MRPS9: variants seen among roughly 807,000 people sequenced by gnomAD.
The protein encoded by MRPS9 is small ribosomal subunit protein uS9m.
In MRPS9, 45 loss-of-function variants were observed where a neutral mutation model predicts 59.9. The observed-to-expected ratio is 0.75, with a 90% CI of 0.59 to 0.96. The LOEUF is 0.96. Ranked by LOEUF, MRPS9 falls within the 40% of genes least tolerant of loss-of-function variation. MRPS9 has a pLI of 0.00. For synonymous variants in MRPS9, 171 were observed against 166.8 expected, an observed-to-expected ratio of 1.03 and a Z score of -0.19; for missense variants, 473 against 481.1, an observed-to-expected ratio of 0.98 and a Z score of 0.16.
intron 1 of MRPS9, chr2:105,038,614 T>TA (rs1299715770): frequency 5.6e-6 from 1 of 179,984 alleles, no homozygotes; most frequent in Non-Finnish European, 1.2e-5. Flanking sequence ...TTCCTGCAGG[T>TA]GCCTGGAAGA....
chr2:105,091,577 A>G (rs1478480921), intron 7 of MRPS9: 1 of 313,768 alleles, frequency 3.2e-6, no homozygotes, highest in African/African-American at 2.2e-5. Context: ...GATTTTTACA[A>G]TAAAGGCAGT....
intron 2 of MRPS9, among the ~76,000 whole-genome samples, chr2:105,055,529 C>T (rs6717222): frequency 0.13 from 5,170 of 40,714 alleles, 403 homozygotes; most frequent in East Asian, 0.29. Flanking sequence ...CTTTTGGTAT[C>T]GCATTTTATT....
intron 2 of MRPS9, 136 bp downstream of exon 2, chr2:105,049,486 T>A: frequency 1.5e-6 from 1 of 647,346 alleles, no homozygotes; most frequent in Non-Finnish European, 2.5e-6. Context: ...ATACATTGTT[T>A]AAGTTGGAGC....
chr2:105,077,708 G>A (rs1680242056), intron 4 of MRPS9, among the ~76,000 whole-genome samples: 1 of 152,092 alleles, frequency 6.6e-6, no homozygotes, highest in Non-Finnish European at 1.5e-5. Flanking sequence ...ACTGAATAGG[G>A]GAGGGCAGTA....
At chr2:105,052,871 T>C (rs974921545) in intron 2 of MRPS9, among the ~76,000 whole-genome samples, 6 of 152,202 alleles carry the variant, frequency 3.9e-5, no homozygotes, top group Non-Finnish European at 8.8e-5. Context: ...CATTACCCAA[T>C]TGAGTTTACT....
At chr2:105,050,346 G>A (rs1290966525) in intron 2 of MRPS9, among the ~76,000 whole-genome samples, 2 of 152,054 alleles carry the variant, frequency 1.3e-5, no homozygotes, top group South Asian at 2.1e-4. Context: ...TACCATGTTG[G>A]TCAGGCTGGT....
intron 2 of MRPS9, among the ~76,000 whole-genome samples, chr2:105,052,836 G>A (rs1013388688): frequency 1.2e-4 from 18 of 152,276 alleles, no homozygotes; most frequent in African/African-American, 3.8e-4. Context: ...GTGTCCCAGA[G>A]TAACTGTTCT....
At chr2:105,039,223 T>C (rs1319812984) in intron 1 of MRPS9, among the ~76,000 whole-genome samples, 8 of 117,032 alleles carry the variant, frequency 6.8e-5, no homozygotes. Context: ...CTTTAAAAAC[T>C]ATATTTAAAA....
intron 1 of MRPS9, 117 bp from the exon 2 acceptor site, chr2:105,049,054 T>G: frequency 2.8e-6 from 2 of 715,044 alleles, no homozygotes; most frequent in Non-Finnish European, 4.4e-6. Context: ...TCCTGTCACT[T>G]GAATACCGTA....
chr2:105,051,812 GTTTTA>G (rs1353737045), intron 2 of MRPS9, among the ~76,000 whole-genome samples: 1 of 151,986 alleles, frequency 6.6e-6, no homozygotes, highest in African/African-American at 2.4e-5. Flanking sequence ...AAATAGAATT[GTTTTA>G]TTTTATAATA....
chr2:105,089,855 T>G lies in MRPS9; in HGVS notation c.576-65T>G. The G allele has an allele frequency of 2.8e-6, 3 of 1,086,804 alleles. No individual in the cohort carries two copies. The South Asian group carries it at 4.4e-5, about 16-fold the overall frequency. The allele number at this position is 1,086,804 out of a possible 1,614,324, so 67.3% of individuals were successfully genotyped here. A position where few individuals can be genotyped will look rare whatever the true frequency, so the allele number is the denominator to read the frequency against. On this transcript the variant is annotated intron_variant, in intron 6 of 10. Coordinates refer to ENST00000258455, the MANE Select transcript of MRPS9 (RefSeq NM_182640.3). ...CATAAAATTGCTACTATATGTGGGATCTTTTGTGATATAACTCTAATTGCA... is the reference window on the plus strand; with the variant it reads ...CATAAAATTGCTACTATATGTGGGAGCTTTTGTGATATAACTCTAATTGCA...
At chr2:105,092,622 A>G (rs375946983) in intron 8 of MRPS9, 53 bp downstream of exon 8, 10 of 1,360,134 alleles carry the variant, frequency 7.4e-6, no homozygotes, top group African/African-American at 4.4e-5. Context: ...GAAAAACTAC[A>G]ATTATTTTTA....
intron 8 of MRPS9, 21 bp downstream of exon 8, chr2:105,092,590 G>A (rs1680582984): frequency 1.4e-6 from 2 of 1,473,830 alleles, no homozygotes; most frequent in South Asian, 2.9e-5. Flanking sequence ...TCTGTGGAGA[G>A]AAAATAAATT....
intron 9 of MRPS9, 168 bp from the exon 10 acceptor site, chr2:105,096,986 GA>G: frequency 1.7e-6 from 1 of 604,092 alleles, no homozygotes; most frequent in East Asian, 3.6e-5. Context: ...CAAAATGTCA[GA>G]AATGTTAGTG....
chr2:105,093,286 A>G (rs1425538202), intron 8 of MRPS9, among the ~76,000 whole-genome samples: 1 of 152,200 alleles, frequency 6.6e-6, no homozygotes, highest in South Asian at 2.1e-4. Context: ...AAACTAATTT[A>G]AAATCATTGT....
At chr2:105,038,934 A>G (rs1312172090) in intron 1 of MRPS9, among the ~76,000 whole-genome samples, 1 of 152,198 alleles carries the variant, frequency 6.6e-6, no homozygotes, top group Non-Finnish European at 1.5e-5. Flanking sequence ...TGTATAGCTC[A>G]GGAGGAGAAC....
At chr2:105,049,640 G>A (rs1472645491) in intron 2 of MRPS9, among the ~76,000 whole-genome samples, 1 of 152,100 alleles carries the variant, frequency 6.6e-6, no homozygotes, top group African/African-American at 2.4e-5. Flanking sequence ...CTTACAAAAT[G>A]ATATAACAGA....
intron 2 of MRPS9, among the ~76,000 whole-genome samples, chr2:105,065,967 G>GA (rs1161077398): frequency 2.0e-5 from 3 of 146,512 alleles, no homozygotes; most frequent in Non-Finnish European, 4.6e-5. Context: ...GAAAGAAAAA[G>GA]AAAAAAATCT....
intron 1 of MRPS9, chr2:105,038,462 A>G (rs1418119970): frequency 5.6e-6 from 3 of 537,180 alleles, no homozygotes; most frequent in African/African-American, 1.9e-5. Flanking sequence ...ACCTGAAGGT[A>G]GAAGTGGAGC....
Sources: allele counts gnomAD v4.1 joint callset (sites outside exome capture counted in the v4.1 genomes callset), GRCh38; gene constraint gnomAD v4.1.1; transcripts MANE v1.5; gene names NCBI Gene and HGNC (gene_info 2026-07-23, HGNC 2026-07-21).